ALCAM: variants seen among roughly 807,000 people sequenced by gnomAD.
ALCAM encodes the protein CD166 antigen.
Under a neutral mutation model 70.9 loss-of-function variants are expected in ALCAM, and 30 were observed. The ratio of observed to expected loss-of-function variants is 0.42; its 90% CI spans 0.32 to 0.57. The LOEUF is 0.57. ALCAM is among the 20% of genes least tolerant of loss of function. The pLI is 0.11. For synonymous variants in ALCAM, 249 were observed against 242.5 expected, an observed-to-expected ratio of 1.03 and a Z score of -0.25; for missense variants, 591 against 695.1, an observed-to-expected ratio of 0.85 and a Z score of 1.68.
At chr3:105,557,016 A>G (rs182721844) in intron 14 of ALCAM, among the ~76,000 whole-genome samples, 218 of 152,212 alleles carry the variant, frequency 1.4e-3, no homozygotes, top group Middle Eastern at 3.4e-3. Flanking sequence ...AAGATATCAT[A>G]AGTAGTATCT....
intron 1 of ALCAM, among the ~76,000 whole-genome samples, chr3:105,471,108 T>G (rs1176599585): frequency 6.6e-6 from 1 of 151,438 alleles, no homozygotes; most frequent in African/African-American, 2.4e-5. Flanking sequence ...GAAAGCCATT[T>G]ATTCTTATAC....
At chr3:105,480,278 A>T (rs923791030) in intron 1 of ALCAM, among the ~76,000 whole-genome samples, 3 of 152,106 alleles carry the variant, frequency 2.0e-5, no homozygotes, top group African/African-American at 2.4e-5. Flanking sequence ...TGACCCCAGG[A>T]GGCAGAGGGT....
chr3:105,382,155 G>T (rs1178873554), intron 1 of ALCAM, among the ~76,000 whole-genome samples: 4 of 135,036 alleles, frequency 3.0e-5, no homozygotes, highest in African/African-American at 1.1e-4. Context: ...TGTTCTCATT[G>T]TTCAATTCCC....
chr3:105,536,446 A>G (rs560518469), intron 6 of ALCAM, among the ~76,000 whole-genome samples: 1 of 152,288 alleles, frequency 6.6e-6, no homozygotes, highest in East Asian at 1.9e-4. Context: ...TATTAGTGTA[A>G]GTGTAGGTGT....
At chr3:105,427,181 G>C (rs527624805) in intron 1 of ALCAM, among the ~76,000 whole-genome samples, 4 of 152,038 alleles carry the variant, frequency 2.6e-5, no homozygotes, top group African/African-American at 7.2e-5. Context: ...GAAGAAGAGA[G>C]TATATATAGA....
chr3:105,525,232 G>A lies in ALCAM; in HGVS notation c.394+724G>A, dbSNP rs1477963176. 6 of 985,186 alleles carry A rather than the reference G, an allele frequency of 6.1e-6. No individual in the cohort carries two copies. The East Asian group carries it at 5.7e-4, about 93-fold the overall frequency. The allele number at this position is 985,186 out of a possible 1,614,324, so 61.0% of individuals were successfully genotyped here. A position where few individuals can be genotyped will look rare whatever the true frequency, so the allele number is the denominator to read the frequency against. The stretch of plus-strand genomic sequence containing the variant: ...AGAAAGTAGAGTAGTGATGGAAGAA[G>A]AGAAAATTGTAGAAGAAACTTGGAA... On this transcript the variant is annotated intron_variant, in intron 3 of 15. Coordinates refer to ENST00000306107, the MANE Select transcript of ALCAM (RefSeq NM_001627.4).
chr3:105,541,365 C>T (rs1009702868), intron 7 of ALCAM, among the ~76,000 whole-genome samples: 8 of 151,762 alleles, frequency 5.3e-5, no homozygotes, highest in African/African-American at 1.9e-4. Context: ...TAAAAATGCC[C>T]TTGAAACTTG....
intron 1 of ALCAM, among the ~76,000 whole-genome samples, chr3:105,517,377 T>C (rs1939411478): frequency 6.6e-6 from 1 of 152,160 alleles, no homozygotes. Flanking sequence ...TTTTACCTAC[T>C]GCCCTCTGTC....
intron 1 of ALCAM, among the ~76,000 whole-genome samples, chr3:105,516,150 A>G (rs1220791255): frequency 6.6e-6 from 1 of 151,838 alleles, no homozygotes; most frequent in Non-Finnish European, 1.5e-5. Context: ...GTATTATTTG[A>G]TGTTCTTCTG....
intron 1 of ALCAM, among the ~76,000 whole-genome samples, chr3:105,476,925 A>T (rs550078569): frequency 6.6e-6 from 1 of 152,074 alleles, no homozygotes; most frequent in South Asian, 2.1e-4. Context: ...CATGGGGGCT[A>T]GTCTTTACCA....
At chr3:105,479,618 A>T (rs1196776792) in intron 1 of ALCAM, among the ~76,000 whole-genome samples, 2 of 152,198 alleles carry the variant, frequency 1.3e-5, no homozygotes, top group Non-Finnish European at 2.9e-5. Context: ...AATTATATGT[A>T]TACAAACATT....
chr3:105,447,342 C>T (rs1382888561), intron 1 of ALCAM, among the ~76,000 whole-genome samples: 1 of 152,004 alleles, frequency 6.6e-6, no homozygotes, highest in Non-Finnish European at 1.5e-5. Context: ...ACTTTTAGTG[C>T]AGGAGTAAAT....
At chr3:105,557,268 G>T (rs538283973) in intron 14 of ALCAM, among the ~76,000 whole-genome samples, 1 of 152,056 alleles carries the variant, frequency 6.6e-6, no homozygotes, top group East Asian at 1.9e-4. Context: ...GCTGCCAGAA[G>T]GAAGAAAAGA....
chr3:105,465,274 A>G (rs1937683690), intron 1 of ALCAM, among the ~76,000 whole-genome samples: 1 of 151,436 alleles, frequency 6.6e-6, no homozygotes, highest in Admixed American at 6.6e-5. Context: ...ATGTGCAAAC[A>G]TAAATTCGTA....
At chr3:105,516,121 A>G (rs1421586705) in intron 1 of ALCAM, among the ~76,000 whole-genome samples, 1 of 151,866 alleles carries the variant, frequency 6.6e-6, no homozygotes, top group East Asian at 1.9e-4. Flanking sequence ...TAGACTGTCT[A>G]ATTCTCATTC....
chr3:105,410,500 A>G (rs1244290322), intron 1 of ALCAM, among the ~76,000 whole-genome samples: 3 of 151,982 alleles, frequency 2.0e-5, no homozygotes, highest in South Asian at 2.1e-4. Context: ...ATGTGGTACT[A>G]CATAAATACT....
At chr3:105,557,022 T>C (rs1940534474) in intron 14 of ALCAM, among the ~76,000 whole-genome samples, 1 of 152,108 alleles carries the variant, frequency 6.6e-6, no homozygotes, top group Non-Finnish European at 1.5e-5. Context: ...TCATAAGTAG[T>C]ATCTTGTTCC....
intron 8 of ALCAM, among the ~76,000 whole-genome samples, chr3:105,543,155 G>T (rs1043628874): frequency 6.6e-6 from 1 of 151,810 alleles, no homozygotes; most frequent in East Asian, 1.9e-4. Flanking sequence ...GTCTCTAAAA[G>T]AAAAGGGCTC....
At chr3:105,377,274 TC>T (rs1342974135) in intron 1 of ALCAM, among the ~76,000 whole-genome samples, 2 of 152,158 alleles carry the variant, frequency 1.3e-5, no homozygotes, top group South Asian at 2.1e-4. Flanking sequence ...TTCCAATCTT[TC>T]GTTATTACAA....
Sources: gnomAD v4.1 joint callset for allele counts (sites outside exome capture counted in the v4.1 genomes callset) on GRCh38, gnomAD v4.1.1 for gene constraint, MANE v1.5 for transcripts, NCBI Gene and HGNC (gene_info 2026-07-23, HGNC 2026-07-21) for gene names.